MARCHF5: variants seen among roughly 807,000 people sequenced by gnomAD.
MARCHF5 encodes membrane associated ring-CH-type finger 5.
In MARCHF5, 5 loss-of-function variants were observed where a neutral mutation model predicts 36.5. The ratio of observed to expected loss-of-function variants is 0.14; its 90% CI spans 0.07 to 0.29. MARCHF5 has a LOEUF of 0.29. Ranked by LOEUF, MARCHF5 falls within the 10% of genes least tolerant of loss-of-function variation. The pLI, the probability that MARCHF5 is intolerant of heterozygous loss-of-function variation, is 1.00. For synonymous variants in MARCHF5, 103 were observed against 109.9 expected (o/e 0.94, Z 0.39); for missense variants, 179 against 336.3 (o/e 0.53, Z 3.66).
intron 1 of MARCHF5, among the ~76,000 whole-genome samples, chr10:92,296,256 A>G (rs928741567): frequency 6.6e-6 from 1 of 152,138 alleles, no homozygotes; most frequent in South Asian, 2.1e-4. Context: ...TGAACCTTTT[A>G]AGTTGTTGTG....
intron 2 of MARCHF5, among the ~76,000 whole-genome samples, chr10:92,337,749 G>A (rs1308190492): frequency 1.3e-5 from 2 of 152,092 alleles, no homozygotes; most frequent in Non-Finnish European, 2.9e-5. Context: ...GTGGCCTTGA[G>A]TTGGTGAGGG....
chr10:92,310,717 T>C (rs1233929189), intron 1 of MARCHF5, among the ~76,000 whole-genome samples: 6 of 152,196 alleles, frequency 3.9e-5, no homozygotes, highest in Non-Finnish European at 1.5e-5. Context: ...ATACTTTGTT[T>C]TTCCAAGTTC....
chr10:92,305,515 T>A (rs1412924800), intron 1 of MARCHF5, among the ~76,000 whole-genome samples: 1 of 152,220 alleles, frequency 6.6e-6, no homozygotes, highest in African/African-American at 2.4e-5. Context: ...ATGGGCTTAT[T>A]GAAACAAAGT....
Position 92,291,228 on chromosome 10 carries a change from C to A in MARCHF5, c.-267C>A, listed in dbSNP as rs1270588450. The stretch of plus-strand genomic sequence containing the variant: ...GGCGCCCGCGGTCCATGGACCGGAA[C>A]CTCGGGCCGACGGACGGGAACCCGG... On this transcript the variant is annotated 5_prime_UTR_variant, in exon 1 of 6. Coordinates refer to ENST00000358935, the MANE Select transcript of MARCHF5 (RefSeq NM_017824.5). 6 of 535,932 alleles carry A rather than the reference C, an allele frequency of 1.1e-5. No individual in the cohort carries two copies. The highest frequency in any genetic ancestry group is 4.1e-5 in the African/African-American group (2 of 48,888). The allele number at this position is 535,932 out of a possible 1,614,324, so 33.2% of individuals were successfully genotyped here.
At chr10:92,302,438 C>T (rs866173129) in intron 1 of MARCHF5, among the ~76,000 whole-genome samples, 1 of 60,988 alleles carries the variant, frequency 1.6e-5, no homozygotes, top group Non-Finnish European at 3.0e-5. Context: ...TTTCTTTTTT[C>T]TTTTTTTTTC....
intron 4 of MARCHF5, 63 bp downstream of exon 4, chr10:92,349,595 C>T (rs973284411): frequency 6.3e-7 from 1 of 1,592,214 alleles, no homozygotes; most frequent in East Asian, 2.2e-5. Context: ...CAATAACATG[C>T]TTTTTTAGCC....
At chr10:92,313,317 T>TGGCCG (rs1030379126) in intron 2 of MARCHF5, among the ~76,000 whole-genome samples, 33 of 149,500 alleles carry the variant, frequency 2.2e-4, no homozygotes, top group African/African-American at 7.1e-4. Context: ...CTAAGAATTG[T>TGGCCG]GGCCGGGCCG....
intron 2 of MARCHF5, among the ~76,000 whole-genome samples, chr10:92,325,356 G>C (rs371831095): frequency 1.3e-5 from 2 of 152,104 alleles, no homozygotes; most frequent in Non-Finnish European, 2.9e-5. Flanking sequence ...AATAAAAAGA[G>C]AGAGAGTGGG....
At chr10:92,333,630 G>A in intron 2 of MARCHF5, 1 of 984,706 alleles carries the variant, frequency 1.0e-6, no homozygotes, top group Non-Finnish European at 1.2e-6. Flanking sequence ...AAAGGGGTAA[G>A]TGTATTTTGT....
chr10:92,350,245 A>G lies in MARCHF5; in HGVS notation c.720+408A>G, dbSNP rs74151606. The G allele has an allele frequency of 4.7e-3, 850 of 179,642 alleles. 9 individuals are homozygous for G. The highest frequency in any genetic ancestry group is 0.019 in the African/African-American group (804 of 41,910). 11.1% of individuals were successfully genotyped at this position (179,642 alleles called of 1,614,324 possible). A position where few individuals can be genotyped will look rare whatever the true frequency, so the allele number is the denominator to read the frequency against. On this transcript the variant is annotated intron_variant, in intron 5 of 5. Transcript: ENST00000358935. ...TAATCAGGATTATTGTGAGGATTGT[A>G]TAAGTACTAGCACATAGTAAGCACT...
chr10:92,335,868 C>T (rs1417484286), intron 2 of MARCHF5, among the ~76,000 whole-genome samples: 1 of 152,176 alleles, frequency 6.6e-6, no homozygotes, highest in Non-Finnish European at 1.5e-5. Flanking sequence ...ATTATGCTTT[C>T]ATTCAAATAT....
At position 92,353,757 on chromosome 10, in the gene MARCHF5, A is replaced by G. The variant is rs998025737; in HGVS notation, c.*2550A>G. ...ATGACGACTACTAGAATTCTTTTCA[A>G]AAGTTAACTTATCTCCAAAGTGGCT... On this transcript the variant is annotated 3_prime_UTR_variant, in exon 6 of 6. Coordinates refer to ENST00000358935, the MANE Select transcript of MARCHF5 (RefSeq NM_017824.5). 37 of 138,836 alleles carry G rather than the reference A, an allele frequency of 2.7e-4. No individual in the cohort carries two copies. The highest frequency in any genetic ancestry group is 8.6e-4 in the African/African-American group (31 of 36,038). 8.6% of individuals were successfully genotyped at this position (138,836 alleles called of 1,614,324 possible).
At chr10:92,319,975 CTTT>C (rs1352398121) in intron 2 of MARCHF5, among the ~76,000 whole-genome samples, 3 of 110,234 alleles carry the variant, frequency 2.7e-5, no homozygotes, top group African/African-American at 3.4e-5. Context: ...AATTTCTTTT[CTTT>C]TTTTTTTTTT....
At chr10:92,329,963 C>T (rs1228435637) in intron 2 of MARCHF5, among the ~76,000 whole-genome samples, 1 of 152,202 alleles carries the variant, frequency 6.6e-6, no homozygotes, top group Non-Finnish European at 1.5e-5. Flanking sequence ...CTGCCTCAGC[C>T]TCCCGAGTAG....
intron 1 of MARCHF5, among the ~76,000 whole-genome samples, chr10:92,310,316 T>G (rs1843128468): frequency 6.6e-6 from 1 of 152,152 alleles, no homozygotes. Flanking sequence ...GTATTTGCCC[T>G]GATGGAAATC....
intron 2 of MARCHF5, among the ~76,000 whole-genome samples, chr10:92,315,277 A>C (rs1466559406): frequency 1.3e-5 from 2 of 152,204 alleles, no homozygotes; most frequent in Non-Finnish European, 2.9e-5. Context: ...CATCTGTGAT[A>C]ATAATTGTTC....
At chr10:92,320,881 C>T (rs1045827170) in intron 2 of MARCHF5, among the ~76,000 whole-genome samples, 1 of 152,048 alleles carries the variant, frequency 6.6e-6, no homozygotes, top group African/African-American at 2.4e-5. Flanking sequence ...TTCACATTCA[C>T]TCATCACCCA....
chr10:92,330,667 C>T (rs979060649), intron 2 of MARCHF5, among the ~76,000 whole-genome samples: 1 of 152,178 alleles, frequency 6.6e-6, no homozygotes, highest in Non-Finnish European at 1.5e-5. Context: ...TGTTTAACAT[C>T]GTTTGCCCTT....
At chr10:92,343,569 T>C (rs1469567248) in intron 3 of MARCHF5, among the ~76,000 whole-genome samples, 1 of 152,170 alleles carries the variant, frequency 6.6e-6, no homozygotes, top group Non-Finnish European at 1.5e-5. Context: ...TGTGGTTTTG[T>C]TTTTTGTTTT....
Sources: allele counts gnomAD v4.1 joint callset (sites outside exome capture counted in the v4.1 genomes callset), GRCh38; gene constraint gnomAD v4.1.1; transcripts MANE v1.5; gene names NCBI Gene and HGNC (gene_info 2026-07-23, HGNC 2026-07-21).